The following CSMD1 variants were observed in gnomAD, a reference collection of about 807,000 sequenced individuals.
The protein encoded by CSMD1 is CUB and Sushi multiple domains 1, also known as CUB and sushi domain-containing protein 1.
Under a neutral mutation model 417.5 loss-of-function variants are expected in CSMD1, and 213 were observed. The ratio of observed to expected loss-of-function variants is 0.51; its 90% CI spans 0.46 to 0.57. The LOEUF is 0.57. Among genes scored for constraint, CSMD1 ranks in the 20% least tolerant of loss-of-function variants. The probability of loss-of-function intolerance (pLI) is 0.00; values close to 1 mark genes in which losing one functional copy is unlikely to be tolerated. For missense variants in CSMD1, 6,923 were observed against 4,529.7 expected (o/e 1.53, Z -15.17); for synonymous variants, 2,862 against 1,736.8 (o/e 1.65, Z -16.11).
At chr8:3,507,302 G>C (rs756609584) in intron 10 of CSMD1, among the ~76,000 whole-genome samples, 4 of 152,028 alleles carry the variant, frequency 2.6e-5, no homozygotes, top group African/African-American at 9.7e-5. Flanking sequence ...ATATTTTTTA[G>C]CTTCATCCAT....
At chr8:4,169,230 G>C (rs891337193) in intron 3 of CSMD1, among the ~76,000 whole-genome samples, 4 of 152,126 alleles carry the variant, frequency 2.6e-5, no homozygotes, top group African/African-American at 9.7e-5. Context: ...AAGTCCAGCA[G>C]TGTTCTCAAT....
At chr8:4,751,082 A>G (rs1360664976) in intron 1 of CSMD1, among the ~76,000 whole-genome samples, 2 of 152,112 alleles carry the variant, frequency 1.3e-5, no homozygotes, top group South Asian at 2.1e-4. Flanking sequence ...ATACATGTGC[A>G]TCGTTAAAGA....
intron 1 of CSMD1, among the ~76,000 whole-genome samples, chr8:4,804,322 T>C (rs1000645125): frequency 2.0e-5 from 3 of 152,196 alleles, no homozygotes; most frequent in Non-Finnish European, 4.4e-5. Context: ...GAAAAACTCA[T>C]GCTATGGAAT....
At chr8:3,505,061 T>G (rs923143391) in intron 10 of CSMD1, among the ~76,000 whole-genome samples, 1 of 151,662 alleles carries the variant, frequency 6.6e-6, no homozygotes, top group Non-Finnish European at 1.5e-5. Context: ...AATAAGCTAG[T>G]GAGAATTTCA....
At chr8:4,783,265 A>G (rs952504008) in intron 1 of CSMD1, among the ~76,000 whole-genome samples, 5 of 152,216 alleles carry the variant, frequency 3.3e-5, no homozygotes, top group Admixed American at 6.5e-5. Context: ...CAGGAAATCA[A>G]GATGGTGAAT....
At chr8:3,559,074 T>G (rs924268490) in intron 10 of CSMD1, among the ~76,000 whole-genome samples, 1 of 152,212 alleles carries the variant, frequency 6.6e-6, no homozygotes. Flanking sequence ...TGAAGGATAT[T>G]ATGCTGAAGA....
At chr8:4,084,267 C>G (rs1373434135) in intron 3 of CSMD1, among the ~76,000 whole-genome samples, 1 of 143,190 alleles carries the variant, frequency 7.0e-6, no homozygotes, top group Non-Finnish European at 1.5e-5. Context: ...AGTGAAAAGA[C>G]AAAAATTGGA....
At chr8:3,377,364 C>T (rs1810377393) in intron 18 of CSMD1, among the ~76,000 whole-genome samples, 1 of 152,096 alleles carries the variant, frequency 6.6e-6, no homozygotes, top group African/African-American at 2.4e-5. Context: ...TGTTCCAGTG[C>T]TGCAAATTAC....
At chr8:4,919,227 T>C (rs1237458783) in intron 1 of CSMD1, among the ~76,000 whole-genome samples, 1 of 152,202 alleles carries the variant, frequency 6.6e-6, no homozygotes, top group Admixed American at 6.5e-5. Flanking sequence ...AATTTAGTCA[T>C]AGCTACAATT....
chr8:4,744,952 A>C (rs1810861157), intron 1 of CSMD1, among the ~76,000 whole-genome samples: 1 of 152,180 alleles, frequency 6.6e-6, no homozygotes, highest in Non-Finnish European at 1.5e-5. Flanking sequence ...TAGTTCTTCA[A>C]CTATTTCAAA....
intron 10 of CSMD1, among the ~76,000 whole-genome samples, chr8:3,532,007 G>A (rs1044373471): frequency 6.6e-6 from 1 of 152,184 alleles, no homozygotes; most frequent in Non-Finnish European, 1.5e-5. Context: ...CTATGCAGAT[G>A]GCACACCTGG....
chr8:4,020,370 TTTC>T (rs1796727239), intron 4 of CSMD1, among the ~76,000 whole-genome samples: 2 of 152,214 alleles, frequency 1.3e-5, no homozygotes, highest in African/African-American at 4.8e-5. Context: ...AGATGTTGTA[TTTC>T]ATTTAATCCT....
At chr8:3,556,073 G>C (rs1035156835) in intron 10 of CSMD1, among the ~76,000 whole-genome samples, 2 of 152,078 alleles carry the variant, frequency 1.3e-5, no homozygotes, top group African/African-American at 2.4e-5. Context: ...TCTTAAGTAT[G>C]TATTATTCCA....
intron 2 of CSMD1, among the ~76,000 whole-genome samples, chr8:4,608,432 A>G (rs1392475970): frequency 6.6e-6 from 1 of 152,206 alleles, no homozygotes; most frequent in Non-Finnish European, 1.5e-5. Context: ...AGTGGACTTG[A>G]CATGATTTGC....
chr8:3,020,526 A>C (rs902192777), intron 51 of CSMD1, among the ~76,000 whole-genome samples: 1 of 152,032 alleles, frequency 6.6e-6, no homozygotes. Context: ...CACCACGCTC[A>C]GCTATTTATT....
intron 5 of CSMD1, among the ~76,000 whole-genome samples, chr8:3,781,212 A>G (rs947320862): frequency 6.6e-6 from 1 of 152,176 alleles, no homozygotes; most frequent in African/African-American, 2.4e-5. Flanking sequence ...TTGGAGCAAA[A>G]TTTAAAAAAT....
chr8:3,675,821 T>A (rs1230395546), intron 7 of CSMD1, among the ~76,000 whole-genome samples: 1 of 152,220 alleles, frequency 6.6e-6, no homozygotes, highest in Non-Finnish European at 1.5e-5. Context: ...CAGCCAGAGT[T>A]GACTAAGCTG....
At chr8:4,537,858 C>T (rs563744330) in intron 2 of CSMD1, among the ~76,000 whole-genome samples, 16 of 152,288 alleles carry the variant, frequency 1.1e-4, no homozygotes, top group Non-Finnish European at 2.1e-4. Flanking sequence ...TTTTGCATTG[C>T]TTTGATCACA....
chr8:4,210,960 A>T (rs1287424346), intron 3 of CSMD1, among the ~76,000 whole-genome samples: 1 of 152,178 alleles, frequency 6.6e-6, no homozygotes, highest in African/African-American at 2.4e-5. Context: ...AACTTCTCTA[A>T]ATGAAAAAAT....
Sources: allele counts gnomAD v4.1 joint callset (sites outside exome capture counted in the v4.1 genomes callset), GRCh38; gene constraint gnomAD v4.1.1; transcripts MANE v1.5; gene names NCBI Gene and HGNC (gene_info 2026-07-23, HGNC 2026-07-21).